Variants in PCDHGA4 observed in about 807,000 individuals in gnomAD.
PCDHGA4 encodes the protein protocadherin gamma-A4.
Under a neutral mutation model 54.6 loss-of-function variants are expected in PCDHGA4, and 38 were observed. The ratio of observed to expected loss-of-function variants is 0.70; its 90% confidence interval spans 0.54 to 0.91. The LOEUF is 0.91. Ranked by LOEUF, PCDHGA4 falls within the 40% of genes least tolerant of loss-of-function variation. The pLI is 0.00. For missense variants in PCDHGA4, 1,298 were observed against 1,220.9 expected, an observed-to-expected ratio of 1.06 and a Z score of -0.94; for synonymous variants, 511 against 512.9, an observed-to-expected ratio of 1.00 and a Z score of 0.05.
intron 1 of PCDHGA4, chr5:141,403,123 G>A: frequency 6.2e-7 from 1 of 1,614,066 alleles, no homozygotes; most frequent in Non-Finnish European, 8.5e-7. Context: ...TGGAGCCCCG[G>A]GAGCTGGCGG....
At position 141,375,466 on chromosome 5, in the gene PCDHGA4, C is replaced by G. The variant is rs569300391; in HGVS notation, c.2514+17845C>G. On this transcript the variant is annotated intron_variant, in intron 1 of 3. Coordinates refer to ENST00000571252, the MANE Select transcript of PCDHGA4 (RefSeq NM_018917.4). ...CCCATTCATCCTACTCAGTCTATGT[C>G]CTTGAAAACAACCCCAGGGGTGCCT... The G allele has an allele frequency of 2.5e-6, 4 of 1,614,016 alleles. No individual in the cohort carries two copies. In the African/African-American group the frequency reaches 4.0e-5, roughly 16 times the overall value.
At chr5:141,384,991 G>A in intron 1 of PCDHGA4, 2 of 1,614,124 alleles carry the variant, frequency 1.2e-6, no homozygotes, top group Non-Finnish European at 1.7e-6. Context: ...GGTGGCGGTG[G>A]CCACAGTCTC....
At position 141,356,903 on chromosome 5, in the gene PCDHGA4, CTACTGATGGCTCCACTGGTGTGGAG is replaced by C; in HGVS notation, c.1797_1821del (p.Thr600TrpfsTer12). 6.2e-7 allele frequency: 1 copy of C among 1,614,244 alleles called. No individual in the cohort carries two copies. Among genetic ancestry groups the C allele is most frequent in the Non-Finnish European group, 8.5e-7 (1 of 1,180,048 alleles). On this transcript the variant is annotated frameshift_variant, in exon 1 of 4. Coordinates refer to ENST00000571252, the MANE Select transcript of PCDHGA4 (RefSeq NM_018917.4). LOFTEE classifies it high-confidence loss of function. The stretch of plus-strand genomic sequence containing the variant: ...CCTGAGATCCTGTACCCCACCTTCC[CTACTGATGGCTCCACTGGTGTGGAG>C]CTGGCACCCCGCTCCGCAGATTCCG...
Position 141,395,542 on chromosome 5 carries a change from TTGTGTGTGTGTG to T in PCDHGA4, c.2514+37959_2514+37970del, listed in dbSNP as rs55729045. ...TCCATACTGGTAATTTTGCTATTGT[TTGTGTGTGTGTG>T]TGTGTGTGTGTGTGTGTGTGTGTGT... is the stretch of plus-strand genomic sequence containing the variant. On this transcript the variant is annotated intron_variant, in intron 1 of 3. Coordinates refer to ENST00000571252, the MANE Select transcript of PCDHGA4 (RefSeq NM_018917.4). 188 of 172,586 alleles carry T rather than the reference TTGTGTGTGTGTG, an allele frequency of 1.1e-3. 1 individual carries two copies. Among genetic ancestry groups the T allele is most frequent in the African/African-American group, 5.0e-3 (88 of 17,544 alleles). 10.7% of individuals were successfully genotyped at this position (172,586 alleles called of 1,614,324 possible).
At chr5:141,413,128 CA>C in intron 1 of PCDHGA4, 1 of 1,534,686 alleles carries the variant, frequency 6.5e-7, no homozygotes, top group Non-Finnish European at 8.8e-7. Flanking sequence ...GGTTGAAACA[CA>C]CAACGTGTCC....
chr5:141,489,287 T>C lies in PCDHGA4; in HGVS notation c.2515-5520T>C. 1 of 1,573,410 alleles carries C rather than the reference T, an allele frequency of 6.4e-7. No individual in the cohort carries two copies. Among genetic ancestry groups the C allele is most frequent in the Non-Finnish European group, 8.6e-7 (1 of 1,159,858 alleles). ...CAGCTCGCTGGGAAATGGCAAGTGC[T>C]GTGCATGTTGTCCTTGTGCTGCTGG... On this transcript the variant is annotated intron_variant, in intron 1 of 3. Transcript: ENST00000571252. The surrounding 1 kb of genome is among the most constrained non-coding windows in gnomAD (Gnocchi z 4.5).
chr5:141,490,062 C>A lies in PCDHGA4; in HGVS notation c.2515-4745C>A, dbSNP rs758715682. 6.2e-7 allele frequency: 1 copy of A among 1,614,218 alleles called. No homozygotes were observed. The highest frequency in any genetic ancestry group is 1.1e-5 in the South Asian group (1 of 91,082). ...CCACTGATCCAGACGAGGGCACCAA[C>A]GGCCAACTAGACTATTCTTTTGGAG... On this transcript the variant is annotated intron_variant, in intron 1 of 3. Coordinates refer to ENST00000571252, the MANE Select transcript of PCDHGA4 (RefSeq NM_018917.4). The surrounding 1 kb of genome is among the most constrained non-coding windows in gnomAD (Gnocchi z 5.4).
intron 1 of PCDHGA4, chr5:141,394,551 C>T: frequency 6.2e-7 from 1 of 1,614,138 alleles, no homozygotes; most frequent in Non-Finnish European, 8.5e-7. Context: ...GCTGGCGCCC[C>T]GCTCCGCAGA....
chr5:141,365,477 G>T, intron 1 of PCDHGA4: 2 of 1,613,994 alleles, frequency 1.2e-6, no homozygotes, highest in Non-Finnish European at 1.7e-6. Flanking sequence ...TGGTGAGATT[G>T]CATGCTCTAT....
In PCDHGA4 at chr5:141,490,794, C is replaced by G. The variant is rs763933771; in HGVS notation, c.2515-4013C>G. The G allele has an allele frequency of 5.0e-6, 8 of 1,613,976 alleles. No individual in the cohort carries two copies. In the South Asian group the frequency reaches 7.7e-5, roughly 16 times the overall value. ...ACCCAGAGGATGGACGGATCTTTGCCCAGCGTACCTTTGACTATGAATTGC... is the reference window on the plus strand; with the variant it reads ...ACCCAGAGGATGGACGGATCTTTGCGCAGCGTACCTTTGACTATGAATTGC... On this transcript the variant is annotated intron_variant, in intron 1 of 3. Transcript: ENST00000571252. The surrounding 1 kb of genome is among the most constrained non-coding windows in gnomAD (Gnocchi z 5.4).
intron 1 of PCDHGA4, chr5:141,405,444 G>C: frequency 7.2e-7 from 1 of 1,379,466 alleles, no homozygotes; most frequent in Non-Finnish European, 1.0e-6. Flanking sequence ...TTTTGAGACA[G>C]AGTCTTACTC....
chr5:141,415,039 G>A (rs761101620), intron 1 of PCDHGA4: 1 of 1,613,486 alleles, frequency 6.2e-7, no homozygotes, highest in South Asian at 1.1e-5. Context: ...GGGACTCTTC[G>A]CGGTGGGGGA....
At chr5:141,492,606 C>G (rs1019615566) in intron 1 of PCDHGA4, among the ~76,000 whole-genome samples, 3 of 152,232 alleles carry the variant, frequency 2.0e-5, no homozygotes, top group African/African-American at 7.2e-5. Flanking sequence ...GACTGCCGCT[C>G]TAAGTGCCGG....
chr5:141,399,750 C>A, intron 1 of PCDHGA4: 1 of 1,613,330 alleles, frequency 6.2e-7, no homozygotes, highest in Non-Finnish European at 8.5e-7. Flanking sequence ...TCAGCGCAAA[C>A]GTGAGCCTGC....
Position 141,414,827 on chromosome 5 carries a change from C to T in PCDHGA4, c.2514+57206C>T, listed in dbSNP as rs1253521902. On this transcript the variant is annotated intron_variant, in intron 1 of 3. Coordinates refer to ENST00000571252, the MANE Select transcript of PCDHGA4 (RefSeq NM_018917.4). Reference sequence around the variant, plus strand: ...GATCCTCCACTCAGCAGCAACGTGTCGTTGAGCCTGTTTGTGCTGGACCAG... The same window carrying T: ...GATCCTCCACTCAGCAGCAACGTGTTGTTGAGCCTGTTTGTGCTGGACCAG... 1.9e-6 allele frequency: 3 copies of T among 1,614,116 alleles called. No individual in the cohort carries two copies. Among genetic ancestry groups the T allele is most frequent in the African/African-American group, 1.3e-5 (1 of 74,946 alleles).
intron 1 of PCDHGA4, chr5:141,479,537 T>C (rs1299169562): frequency 6.6e-6 from 1 of 152,230 alleles, no homozygotes; most frequent in Non-Finnish European, 1.5e-5. Context: ...GTGGAGAAGG[T>C]CAAAACTGCT....
intron 1 of PCDHGA4, chr5:141,413,459 A>C: frequency 1.9e-6 from 3 of 1,614,080 alleles, no homozygotes; most frequent in Non-Finnish European, 2.5e-6. Flanking sequence ...GGCAGGATAG[A>C]CCGGGAGGAG....
At chr5:141,427,997 A>C (rs1471083920) in intron 1 of PCDHGA4, 2 of 1,600,232 alleles carry the variant, frequency 1.2e-6, no homozygotes, top group African/African-American at 2.7e-5. Flanking sequence ...ATGGCTCCGC[A>C]CTCTTCGATA....
intron 1 of PCDHGA4, chr5:141,441,674 CT>C: frequency 3.4e-6 from 1 of 293,692 alleles, no homozygotes; most frequent in Non-Finnish European, 6.7e-6. Flanking sequence ...CACAGTGCGC[CT>C]TCGACCAAGA....
Sources: gnomAD v4.1 joint callset for allele counts (sites outside exome capture counted in the v4.1 genomes callset) on GRCh38, gnomAD v4.1.1 for gene constraint, Gnocchi (gnomAD v3.1) non-coding constraint, MANE v1.5 for transcripts, NCBI Gene and HGNC (gene_info 2026-07-23, HGNC 2026-07-21) for gene names.